TRHDE: variants seen among roughly 807,000 people sequenced by gnomAD.
TRHDE encodes the protein thyrotropin-releasing hormone-degrading ectoenzyme.
In TRHDE, 72 loss-of-function variants were observed where a neutral mutation model predicts 125.7. That is an observed-to-expected ratio of 0.57 (90% CI 0.47 to 0.70). The LOEUF (loss-of-function observed/expected upper bound fraction) is 0.70, where lower values mean the gene tolerates loss of function less well. TRHDE is among the 30% of genes least tolerant of loss of function. The probability of loss-of-function intolerance (pLI) is 0.00; values close to 1 mark genes in which losing one functional copy is unlikely to be tolerated. For missense variants in TRHDE, 1,110 were observed against 1,327.1 expected, an observed-to-expected ratio of 0.84 and a Z score of 2.54; for synonymous variants, 509 against 509.1, an observed-to-expected ratio of 1.00 and a Z score of 0.00.
intron 1 of TRHDE, among the ~76,000 whole-genome samples, chr12:72,285,011 G>A (rs1392249922): frequency 5.9e-5 from 9 of 152,026 alleles, no homozygotes; most frequent in Non-Finnish European, 8.8e-5. Flanking sequence ...GATAACTCTC[G>A]AAAACCTTGT....
rs2139307707 is a variant in TRHDE at position 72,131,001 on chromosome 12, A to C, written n.279+25249A>C. Among the ~76,000 whole-genome samples the C allele has an allele frequency of 2.0e-5, 3 of 152,128 alleles. 1 individual carries two copies. The Middle Eastern group carries it at 0.01, about 517-fold the overall frequency. Reference sequence around the variant, plus strand: ...CTACATACTGACAAATAGTTTTCCCAAAAGTACAGTGCCTTACGATGTCTG... The same window carrying C: ...CTACATACTGACAAATAGTTTTCCCCAAAGTACAGTGCCTTACGATGTCTG... On this transcript the variant is annotated intron_variant and non_coding_transcript_variant, in intron 2 of 4. Coordinates refer to the TRHDE transcript ENST00000548156.
chr12:72,334,746 A>G (rs1466586995), intron 2 of TRHDE, among the ~76,000 whole-genome samples: 1 of 152,212 alleles, frequency 6.6e-6, no homozygotes, highest in Non-Finnish European at 1.5e-5. Flanking sequence ...GAAGTTCATC[A>G]GATGGAAGGC....
At chr12:72,463,648 G>C (rs147811698) in intron 3 of TRHDE, among the ~76,000 whole-genome samples, 1 of 152,250 alleles carries the variant, frequency 6.6e-6, no homozygotes, top group East Asian at 1.9e-4. Flanking sequence ...TTTCACACTG[G>C]AGCCAGGGCT....
chr12:72,525,727 C>T (rs1592512654), intron 6 of TRHDE, among the ~76,000 whole-genome samples: 1 of 151,670 alleles, frequency 6.6e-6, no homozygotes, highest in East Asian at 1.9e-4. Flanking sequence ...AGTTTGGGAG[C>T]AGCTGTTTGA....
chr12:72,625,091 C>T (rs946627749), intron 15 of TRHDE, among the ~76,000 whole-genome samples: 2 of 151,940 alleles, frequency 1.3e-5, no homozygotes, highest in South Asian at 4.1e-4. Flanking sequence ...CATAGTATTA[C>T]TGCAGATGAA....
chr12:72,588,096 G>A (rs1047545033), intron 12 of TRHDE, among the ~76,000 whole-genome samples: 2 of 152,130 alleles, frequency 1.3e-5, no homozygotes, highest in Non-Finnish European at 2.9e-5. Flanking sequence ...ATCGTAAGAA[G>A]CATGAGAAGC....
intron 2 of TRHDE, among the ~76,000 whole-genome samples, chr12:72,308,869 A>G (rs920458327): frequency 2.8e-4 from 43 of 152,226 alleles, no homozygotes; most frequent in South Asian, 6.2e-4. Context: ...AGAAACTCCC[A>G]TCTCAATTTA....
intron 7 of TRHDE, among the ~76,000 whole-genome samples, chr12:72,557,340 A>G (rs943923166): frequency 6.6e-6 from 1 of 152,216 alleles, no homozygotes; most frequent in African/African-American, 2.4e-5. Flanking sequence ...GGGTGGGACC[A>G]AAATAATTCC....
At chr12:72,246,118 T>C (rs1418119937) in intron 2 of TRHDE, among the ~76,000 whole-genome samples, 4 of 152,216 alleles carry the variant, frequency 2.6e-5, no homozygotes, top group Admixed American at 2.6e-4. Context: ...GGGATTCCTA[T>C]AAATGGGATT....
intron 2 of TRHDE, among the ~76,000 whole-genome samples, chr12:72,188,168 A>G (rs1318083135): frequency 6.6e-6 from 1 of 152,242 alleles, no homozygotes; most frequent in African/African-American, 2.4e-5. Flanking sequence ...AGGAATTGCT[A>G]AAACAAATGT....
chr12:72,366,220 T>A (rs1871333365), intron 2 of TRHDE, among the ~76,000 whole-genome samples: 1 of 152,140 alleles, frequency 6.6e-6, no homozygotes, highest in Admixed American at 6.6e-5. Context: ...GATGTAGCTA[T>A]CTTTGGGGGC....
At chr12:72,391,544 A>G (rs1029570004) in intron 3 of TRHDE, among the ~76,000 whole-genome samples, 11 of 152,160 alleles carry the variant, frequency 7.2e-5, no homozygotes, top group African/African-American at 2.7e-4. Flanking sequence ...AATAATTCAC[A>G]AATGACCTAG....
At chr12:72,422,144 A>G (rs1873981099) in intron 3 of TRHDE, among the ~76,000 whole-genome samples, 1 of 152,112 alleles carries the variant, frequency 6.6e-6, no homozygotes. Context: ...TTTTTTATCT[A>G]TAGAAATGTA....
chr12:72,231,549 G>A (rs1477911317), intron 2 of TRHDE, among the ~76,000 whole-genome samples: 1 of 152,114 alleles, frequency 6.6e-6, no homozygotes, highest in Non-Finnish European at 1.5e-5. Context: ...AAACCAAACA[G>A]GTGTTTTTCT....
intron 1 of TRHDE, among the ~76,000 whole-genome samples, chr12:72,279,582 G>A (rs371578901): frequency 5.9e-5 from 9 of 152,150 alleles, no homozygotes; most frequent in South Asian, 4.1e-4. Context: ...AAATTCAAAC[G>A]TGAAAAATAC....
At chr12:72,294,865 G>T (rs532675467) in intron 2 of TRHDE, among the ~76,000 whole-genome samples, 12 of 152,084 alleles carry the variant, frequency 7.9e-5, no homozygotes, top group African/African-American at 2.9e-4. Context: ...GGGTGAGGTG[G>T]CAGGGAGCTG....
At position 72,558,479 on chromosome 12, in the gene TRHDE, G is replaced by A. The variant is rs1231722710; in HGVS notation, c.1789-3686G>A. 3.3e-5 allele frequency among the ~76,000 whole-genome samples: 5 copies of A among 152,288 alleles called. No homozygotes were observed. In the East Asian group the frequency reaches 7.7e-4, roughly 24 times the overall value. On this transcript the variant is annotated intron_variant, in intron 7 of 18. Transcript: ENST00000261180. ...AGCAACAAGTTAACAAATGGGATTT[G>A]AGAAATACAGAGGGACAAGATTATG...
intron 3 of TRHDE, among the ~76,000 whole-genome samples, chr12:72,390,861 G>A (rs1872588003): frequency 6.6e-6 from 1 of 152,112 alleles, no homozygotes. Flanking sequence ...TGGGATATCT[G>A]CTTGTAATTT....
At chr12:72,224,019 T>G (rs1022665908) in intron 2 of TRHDE, among the ~76,000 whole-genome samples, 1 of 151,942 alleles carries the variant, frequency 6.6e-6, no homozygotes, top group Non-Finnish European at 1.5e-5. Context: ...TAAGTCACAA[T>G]ACTGCAGTCT....
Sources: gnomAD v4.1 joint callset for allele counts (sites outside exome capture counted in the v4.1 genomes callset) on GRCh38, gnomAD v4.1.1 for gene constraint, MANE v1.5 for transcripts, NCBI Gene and HGNC (gene_info 2026-07-23, HGNC 2026-07-21) for gene names.